ANXA2: variants seen among roughly 807,000 people sequenced by gnomAD.
ANXA2 encodes the protein annexin A2, also known as annexin II.
In ANXA2, 28 loss-of-function variants were observed where a neutral mutation model predicts 47.3. The ratio of observed to expected loss-of-function variants is 0.59; its 90% CI spans 0.44 to 0.81. ANXA2 has a LOEUF of 0.81. ANXA2 is among the 40% of genes least tolerant of loss of function. The pLI is 0.00. For synonymous variants in ANXA2, 172 were observed against 155.5 expected (o/e 1.11, Z -0.79); for missense variants, 384 against 414.3 (o/e 0.93, Z 0.64).
At chr15:60,377,700 C>G (rs1006726021) in intron 3 of ANXA2, among the ~76,000 whole-genome samples, 1 of 152,044 alleles carries the variant, frequency 6.6e-6, no homozygotes, top group African/African-American at 2.4e-5. Flanking sequence ...TTTGTAAAAA[C>G]CATAATATCT....
chr15:60,355,861 A>T, intron 7 of ANXA2, 58 bp downstream of exon 7: 1 of 1,317,994 alleles, frequency 7.6e-7, no homozygotes, highest in Non-Finnish European at 1.1e-6. Flanking sequence ...GTATAAAATG[A>T]GGTATGTGAC....
At chr15:60,358,062 T>G (rs1223192555) in intron 5 of ANXA2, among the ~76,000 whole-genome samples, 2 of 152,252 alleles carry the variant, frequency 1.3e-5, no homozygotes, top group African/African-American at 2.4e-5. Context: ...AAGGTATAGT[T>G]AAGAAAAAAT....
chr15:60,378,077 G>C (rs1247571375), intron 3 of ANXA2, among the ~76,000 whole-genome samples: 1 of 152,060 alleles, frequency 6.6e-6, no homozygotes, highest in East Asian at 1.9e-4. Flanking sequence ...ACCCCAGCCT[G>C]GGCAACAGAG....
At chr15:60,364,089 C>T (rs978550501) in intron 4 of ANXA2, among the ~76,000 whole-genome samples, 1 of 152,204 alleles carries the variant, frequency 6.6e-6, no homozygotes, top group Admixed American at 6.5e-5. Context: ...CACTCTAAAG[C>T]GAGCGTGACC....
intron 1 of ANXA2, chr15:60,391,054 G>A (rs546735261): frequency 1.8e-4 from 28 of 152,372 alleles, no homozygotes; most frequent in African/African-American, 6.7e-4. Flanking sequence ...CTATATTAAA[G>A]GATACAAAAG....
At chr15:60,350,808 A>C (rs1895974355) in intron 11 of ANXA2, among the ~76,000 whole-genome samples, 1 of 152,164 alleles carries the variant, frequency 6.6e-6, no homozygotes, top group African/African-American at 2.4e-5. Context: ...GCAATGATTT[A>C]AGGTAAAATA....
At chr15:60,362,486 G>GA (rs2062530400) in intron 4 of ANXA2, 1 of 152,132 alleles carries the variant, frequency 6.6e-6, no homozygotes, top group South Asian at 2.1e-4. Context: ...GCTAGAACAT[G>GA]AAAGAGTCGT....
chr15:60,349,222 A>G, intron 11 of ANXA2, 25 bp from the exon 12 acceptor site: 1 of 1,612,746 alleles, frequency 6.2e-7, no homozygotes, highest in Non-Finnish European at 8.5e-7. Flanking sequence ...GATATTTGTT[A>G]CATTCGCTGA....
chr15:60,356,015 T>C lies in ANXA2; in HGVS notation c.449-17A>G, dbSNP rs12898604. 0.76 allele frequency: 1,220,355 copies of C among 1,597,262 alleles called. 469,103 individuals carry two copies. The highest frequency in any genetic ancestry group is 0.89 in the African/African-American group (66,418 of 74,604). On this transcript the variant is annotated splice_polypyrimidine_tract_variant and intron_variant, in intron 6 of 12. Transcript: ENST00000451270. Reference sequence around the variant, plus strand: ...TCTTGTACACTTGGAGGAAAATACATCTGGTTTTATGCTTTCTGCCTGTGT... The same window carrying C: ...TCTTGTACACTTGGAGGAAAATACACCTGGTTTTATGCTTTCTGCCTGTGT...
At chr15:60,351,051 C>T in intron 11 of ANXA2, 142 bp downstream of exon 11, 1 of 756,334 alleles carries the variant, frequency 1.3e-6, no homozygotes, top group South Asian at 1.6e-5. Context: ...CTGTCACATA[C>T]AACCACAGCT....
intron 1 of ANXA2, among the ~76,000 whole-genome samples, chr15:60,392,099 A>T (rs1489042798): frequency 6.6e-6 from 1 of 152,186 alleles, no homozygotes; most frequent in Non-Finnish European, 1.5e-5. Context: ...ACCCACCTCA[A>T]ACTGGTTTAA....
intron 2 of ANXA2, chr15:60,383,042 C>T (rs2062884469): frequency 6.6e-6 from 1 of 152,548 alleles, no homozygotes; most frequent in South Asian, 2.1e-4. Context: ...TTAATACCAT[C>T]CCTTGTGCCT....
At chr15:60,386,512 T>A (rs1180147237) in intron 1 of ANXA2, 1 of 154,914 alleles carries the variant, frequency 6.5e-6, no homozygotes, top group Non-Finnish European at 1.4e-5. Flanking sequence ...AAAGCTACGA[T>A]GTGAATCGAA....
At chr15:60,360,321 C>T (rs1458078821) in intron 5 of ANXA2, among the ~76,000 whole-genome samples, 5 of 152,122 alleles carry the variant, frequency 3.3e-5, no homozygotes, top group Admixed American at 2.6e-4. Flanking sequence ...CAGGAGGTTT[C>T]CAATCTACAG....
intron 3 of ANXA2, among the ~76,000 whole-genome samples, chr15:60,368,735 A>C (rs2062673169): frequency 6.6e-6 from 1 of 152,184 alleles, no homozygotes; most frequent in African/African-American, 2.4e-5. Flanking sequence ...GTACTTTCAA[A>C]GTTCACCATA....
At chr15:60,378,244 T>C (rs772936246) in intron 3 of ANXA2, among the ~76,000 whole-genome samples, 1 of 152,222 alleles carries the variant, frequency 6.6e-6, no homozygotes, top group Non-Finnish European at 1.5e-5. Context: ...ACTGCACAAC[T>C]CTGCAAATAC....
chr15:60,363,532 A>G (rs1032108775), intron 4 of ANXA2, among the ~76,000 whole-genome samples: 1 of 152,228 alleles, frequency 6.6e-6, no homozygotes, highest in African/African-American at 2.4e-5. Flanking sequence ...GCACTGTCCA[A>G]GAATAAATCA....
At chr15:60,388,442 G>C (rs2062962076) in intron 1 of ANXA2, among the ~76,000 whole-genome samples, 1 of 151,714 alleles carries the variant, frequency 6.6e-6, no homozygotes, top group Non-Finnish European at 1.5e-5. Flanking sequence ...CGAACTCCTA[G>C]CCTCAAGTGA....
intron 3 of ANXA2, among the ~76,000 whole-genome samples, chr15:60,372,151 AAAT>A (rs572562926): frequency 1.5e-4 from 23 of 152,040 alleles, no homozygotes; most frequent in South Asian, 8.3e-4. Context: ...CTCTATCTCA[AAAT>A]AATAATAATA....
Sources: allele counts gnomAD v4.1 joint callset (sites outside exome capture counted in the v4.1 genomes callset), GRCh38; gene constraint gnomAD v4.1.1; transcripts MANE v1.5; gene names NCBI Gene and HGNC (gene_info 2026-07-23, HGNC 2026-07-21).